Variants in SETD3 observed in about 807,000 individuals in gnomAD.
SETD3 encodes actin-histidine N-methyltransferase.
A neutral mutation model predicts 63.0 loss-of-function variants in SETD3; 19 were observed. That is an observed-to-expected ratio of 0.30 (90% CI 0.21 to 0.44). SETD3 has a LOEUF of 0.44. Among genes scored for constraint, SETD3 ranks in the 20% least tolerant of loss-of-function variants. SETD3 has a pLI of 1.00. For missense variants in SETD3, 587 were observed against 728.5 expected (o/e 0.81, Z 2.24); for synonymous variants, 286 against 264.1 (o/e 1.08, Z -0.80).
In SETD3 at chr14:99,415,155, C is replaced by T. The variant is rs540394104; in HGVS notation, c.676-1221G>A. Among the ~76,000 whole-genome samples the T allele has an allele frequency of 4.3e-4, 65 of 152,308 alleles. No homozygotes were observed. The South Asian group carries it at 7.5e-3, about 17-fold the overall frequency. On this transcript the variant is annotated intron_variant, in intron 6 of 12. Transcript: ENST00000331768. Reference sequence around the variant, plus strand: ...CAATAAAATGAAACTTCGCATTACCCGATCAACTGGGAACTTTGCACATCC... The same window carrying T: ...CAATAAAATGAAACTTCGCATTACCTGATCAACTGGGAACTTTGCACATCC...
chr14:99,415,838 ACTCT>A (rs757481550), intron 6 of SETD3, among the ~76,000 whole-genome samples: 9 of 152,092 alleles, frequency 5.9e-5, no homozygotes, highest in Non-Finnish European at 1.2e-4. Flanking sequence ...AAAGGAAATA[ACTCT>A]CTCCACAGAG....
intron 1 of SETD3, among the ~76,000 whole-genome samples, chr14:99,474,851 T>TAAAA (rs1259181996): frequency 1.7e-4 from 26 of 152,260 alleles, no homozygotes; most frequent in Admixed American, 7.2e-4. Flanking sequence ...AATAAATAAA[T>TAAAA]AAGCACAGTT....
At chr14:99,402,202 A>C (rs1006027110) in intron 11 of SETD3, among the ~76,000 whole-genome samples, 2 of 152,154 alleles carry the variant, frequency 1.3e-5, no homozygotes, top group South Asian at 2.1e-4. Context: ...ACAGTCGCTG[A>C]GCTCCACAGT....
rs529962914 is a variant in SETD3, at chr14:99,422,091, T to C, written c.676-8157A>G. ...CATCAGAAAGAATACCATGTTTAGCTGTTAAGTCTTCGGTCATAAAATCTC... is the reference window on the plus strand; with the variant it reads ...CATCAGAAAGAATACCATGTTTAGCCGTTAAGTCTTCGGTCATAAAATCTC... On this transcript the variant is annotated intron_variant, in intron 6 of 12. Coordinates refer to ENST00000331768, the MANE Select transcript of SETD3 (RefSeq NM_032233.3). Among the ~76,000 whole-genome samples, 3 of 152,358 alleles carry C rather than the reference T, an allele frequency of 2.0e-5. No homozygotes were observed. In the South Asian group the frequency reaches 6.2e-4, roughly 32 times the overall value.
chr14:99,432,633 C>T (rs1049373311), intron 6 of SETD3, among the ~76,000 whole-genome samples: 4 of 152,224 alleles, frequency 2.6e-5, no homozygotes, highest in African/African-American at 9.6e-5. Context: ...CTTCTCATCA[C>T]ATCTACAAGG....
intron 6 of SETD3, among the ~76,000 whole-genome samples, chr14:99,445,527 C>T (rs1427829432): frequency 2.6e-5 from 4 of 152,188 alleles, no homozygotes; most frequent in African/African-American, 9.7e-5. Flanking sequence ...CTTTTATCAC[C>T]TCCGTTTTCT....
At chr14:99,482,470 G>A (rs1896368326), upstream of SETD3, among the ~76,000 whole-genome samples, 1 of 152,194 alleles carries the variant, frequency 6.6e-6, no homozygotes, top group Admixed American at 6.5e-5. Context: ...TAGTAGTATT[G>A]ATAGACATTT....
upstream of SETD3, among the ~76,000 whole-genome samples, chr14:99,482,541 T>G (rs1250079231): frequency 6.6e-6 from 1 of 152,234 alleles, no homozygotes; most frequent in Admixed American, 6.5e-5. Context: ...ATATAATAAT[T>G]ATCCAAGATT....
intron 7 of SETD3, chr14:99,413,386 C>A (rs1892113927): frequency 3.3e-6 from 1 of 299,214 alleles, no homozygotes; most frequent in African/African-American, 2.2e-5. Flanking sequence ...CCCAACCCAA[C>A]CCTCTTTTGC....
intron 1 of SETD3, among the ~76,000 whole-genome samples, chr14:99,471,972 T>C (rs1472542811): frequency 6.6e-6 from 1 of 152,162 alleles, no homozygotes; most frequent in African/African-American, 2.4e-5. Context: ...GGGCTGTGAC[T>C]TGGCCAAGAG....
At chr14:99,473,265 A>G (rs79400575) in intron 1 of SETD3, among the ~76,000 whole-genome samples, 2,492 of 152,330 alleles carry the variant, frequency 0.016, 25 homozygotes, top group Non-Finnish European at 0.023. Context: ...ACAAGAAAGC[A>G]CATTTAGTGA....
intron 6 of SETD3, among the ~76,000 whole-genome samples, chr14:99,451,307 T>C (rs1285827447): frequency 6.6e-6 from 1 of 152,208 alleles, no homozygotes; most frequent in Non-Finnish European, 1.5e-5. Context: ...CCTTCCACCA[T>C]GAGCCCTCTC....
At chr14:99,485,267 G>A (rs1283920964), upstream of SETD3, among the ~76,000 whole-genome samples, 3 of 152,162 alleles carry the variant, frequency 2.0e-5, no homozygotes, top group Non-Finnish European at 2.9e-5. Context: ...CTTGTGGACC[G>A]AGGTTCTTTT....
rs770953582 is a variant in SETD3, at chr14:99,398,752, T to C, written c.1712A>G (p.Asn571Ser). 6.2e-6 allele frequency: 10 copies of C among 1,614,258 alleles called. No individual in the cohort carries two copies. The highest frequency in any genetic ancestry group is 1.6e-4 in the Middle Eastern group (1 of 6,062). The change falls in exon 13 of 13, where the codon AAT becomes AGT. Residue 571 changes from asparagine to serine, a missense_variant. Transcript: ENST00000331768. The part of the protein sequence containing the change: ...NGTRSENESL[N>S]QESKRAVEDA... Reference sequence around the variant, plus strand: ...TTCAACTGCTCTTTTACTTTCTTGATTGAGACTTTCATTTTCGGACCTGGT... The same window carrying C: ...TTCAACTGCTCTTTTACTTTCTTGACTGAGACTTTCATTTTCGGACCTGGT...
chr14:99,426,398 TG>T (rs1196558983), intron 6 of SETD3, among the ~76,000 whole-genome samples: 1 of 152,216 alleles, frequency 6.6e-6, no homozygotes, highest in African/African-American at 2.4e-5. Context: ...CAGATCTTCC[TG>T]TCTGCTGGAT....
At chr14:99,483,394 A>G (rs922971753), upstream of SETD3, among the ~76,000 whole-genome samples, 2 of 152,136 alleles carry the variant, frequency 1.3e-5, no homozygotes, top group East Asian at 3.9e-4. Context: ...ACAAAAAAAA[A>G]ATCAAAAAAT....
chr14:99,445,069 T>C (rs1324791286), intron 6 of SETD3, among the ~76,000 whole-genome samples: 1 of 152,130 alleles, frequency 6.6e-6, no homozygotes, highest in African/African-American at 2.4e-5. Flanking sequence ...CAATTCCAGG[T>C]AGAGGTAATA....
chr14:99,459,699 C>T (rs939779799), intron 4 of SETD3, among the ~76,000 whole-genome samples: 3 of 152,338 alleles, frequency 2.0e-5, no homozygotes, highest in East Asian at 3.9e-4. Context: ...CCAGAAGACA[C>T]ATTGGTTTAG....
At chr14:99,458,772 T>TAA (rs1343130040) in intron 5 of SETD3, among the ~76,000 whole-genome samples, 2 of 20,472 alleles carry the variant, frequency 9.8e-5, no homozygotes, top group Admixed American at 8.7e-4. Context: ...ACCCCATCAC[T>TAA]ACAAAAAAAA....
Sources: allele counts gnomAD v4.1 joint callset (sites outside exome capture counted in the v4.1 genomes callset), GRCh38; gene constraint gnomAD v4.1.1; transcripts MANE v1.5; gene names NCBI Gene and HGNC (gene_info 2026-07-23, HGNC 2026-07-21).